Variants in ALMS1 observed in about 807,000 individuals in gnomAD.
ALMS1 encodes ALMS1 centrosome and basal body associated protein, also known as centrosome-associated protein ALMS1.
A neutral mutation model predicts 352.2 loss-of-function variants in ALMS1; 271 were observed. That is an observed-to-expected ratio of 0.77 (90% confidence interval 0.70 to 0.85). The LOEUF is 0.85. Ranked by LOEUF, ALMS1 falls within the 40% of genes least tolerant of loss-of-function variation. The pLI, the probability that ALMS1 is intolerant of heterozygous loss-of-function variation, is 0.00. For synonymous variants in ALMS1, 1,865 were observed against 1,761.2 expected, an observed-to-expected ratio of 1.06 and a Z score of -1.48; for missense variants, 5,445 against 4,870.7, an observed-to-expected ratio of 1.12 and a Z score of -3.51.
rs1250344753 is a variant in ALMS1, at chr2:73,408,712, G to A, written c.415G>A (p.Glu139Lys). ...TTCTGATACTAATGTGGTCTGTTTG[G>A]AAACAACAGCTCAGCGGGGTTCTGG... is the stretch of plus-strand genomic sequence containing the variant. ...QISDTNVVCLETTAQRGSGDD... is the reference protein window; with the variant it reads ...QISDTNVVCLKTTAQRGSGDD... Residue 139 changes from glutamate (E) to lysine (K), a missense_variant, in exon 2 of 23, where the codon GAA becomes AAA. Transcript: ENST00000613296. 1 of 1,612,874 alleles carries A rather than the reference G, an allele frequency of 6.2e-7. No homozygotes were observed. The highest frequency in any genetic ancestry group is 8.5e-7 in the Non-Finnish European group (1 of 1,179,718).
rs778870059 is a variant in ALMS1 at position 73,608,575 on chromosome 2, G to T, written c.12462+1G>T. 21 of 1,610,108 alleles carry T rather than the reference G, an allele frequency of 1.3e-5. No homozygotes were observed. The highest frequency in any genetic ancestry group is 1.7e-5 in the Non-Finnish European group (20 of 1,176,324). On this transcript the variant is annotated splice_donor_variant, in intron 22 of 22. Coordinates refer to ENST00000613296, the MANE Select transcript of ALMS1 (RefSeq NM_001378454.1). LOFTEE classifies it high-confidence loss of function. Reference sequence around the variant, plus strand: ...GCTGCGAGCCCAGCTATATAAAAAGGTCAGTGGGTCCTCTGTCTAGAGTGG... The same window carrying T: ...GCTGCGAGCCCAGCTATATAAAAAGTTCAGTGGGTCCTCTGTCTAGAGTGG...
chr2:73,415,822 G>A (rs920358104), intron 2 of ALMS1, among the ~76,000 whole-genome samples: 11 of 152,172 alleles, frequency 7.2e-5, no homozygotes, highest in South Asian at 2.1e-4. Flanking sequence ...GGAGAAAAAC[G>A]CAAGAAAGTT....
At chr2:73,491,541 A>G in intron 10 of ALMS1, 43 bp downstream of exon 10, 1 of 1,599,350 alleles carries the variant, frequency 6.3e-7, no homozygotes, top group Non-Finnish European at 8.6e-7. Context: ...TGGACTTTGT[A>G]ATAAAGGGTT....
chr2:73,406,155 A>C (rs895395457), intron 1 of ALMS1, among the ~76,000 whole-genome samples: 1 of 152,108 alleles, frequency 6.6e-6, no homozygotes, highest in African/African-American at 2.4e-5. Flanking sequence ...CAATTTTATC[A>C]ATGTTTGCTT....
intron 12 of ALMS1, among the ~76,000 whole-genome samples, chr2:73,549,643 A>T (rs1674388503): frequency 6.6e-6 from 1 of 152,226 alleles, no homozygotes; most frequent in South Asian, 2.1e-4. Context: ...TTTTTCCAAG[A>T]TACAATCCAT....
At chr2:73,532,352 G>C (rs1248823073) in intron 11 of ALMS1, among the ~76,000 whole-genome samples, 1 of 152,216 alleles carries the variant, frequency 6.6e-6, no homozygotes, top group African/African-American at 2.4e-5. Flanking sequence ...CCTGGCCCTA[G>C]GCAGGTCCAG....
intron 16 of ALMS1, among the ~76,000 whole-genome samples, chr2:73,593,777 A>C (rs1234622745): frequency 6.6e-6 from 1 of 152,204 alleles, no homozygotes; most frequent in Non-Finnish European, 1.5e-5. Context: ...GCCTGCAGGC[A>C]ACCACTAATG....
At chr2:73,609,471 C>G (rs1675893111) in intron 22 of ALMS1, 97 bp from the exon 23 acceptor site, 1 of 1,146,440 alleles carries the variant, frequency 8.7e-7, no homozygotes, top group East Asian at 2.3e-5. Flanking sequence ...TAGGACCACA[C>G]TGATTCTCCT....
At chr2:73,499,783 C>CCTTTCTCCATTGCTTTTG (rs1673183664) in intron 10 of ALMS1, among the ~76,000 whole-genome samples, 1 of 152,106 alleles carries the variant, frequency 6.6e-6, no homozygotes, top group Non-Finnish European at 1.5e-5. Flanking sequence ...TCATGAATGG[C>CCTTTCTCCATTGCTTTTG]TCAGTGACCT....
At chr2:73,503,723 A>G (rs910897760) in intron 10 of ALMS1, among the ~76,000 whole-genome samples, 1 of 152,150 alleles carries the variant, frequency 6.6e-6, no homozygotes, top group African/African-American at 2.4e-5. Flanking sequence ...CAACAGTGTA[A>G]AAGTGTTCCT....
intron 10 of ALMS1, 52 bp from the exon 11 acceptor site, chr2:73,519,723 T>C (rs1673631972): frequency 1.2e-6 from 2 of 1,610,866 alleles, no homozygotes; most frequent in East Asian, 2.2e-5. Context: ...GAGATTTCAG[T>C]CTCTAATGGC....
Position 73,489,812 on chromosome 2 carries a change from A to T in ALMS1, c.7853A>T (p.Asn2618Ile). ...GPSEMTRGRQ[N>I]PSSCRAKHVN... ...TCAGAAATGACCAGAGGACGGCAGA[A>T]CCCATCATCATGCAGAGCCAAGCAT... Residue 2618 changes from asparagine to isoleucine, a missense_variant, in exon 10 of 23, where the codon AAC becomes ATC. By Grantham distance (149) the Asn-to-Ile change is moderately radical. Coordinates refer to ENST00000613296, the MANE Select transcript of ALMS1 (RefSeq NM_001378454.1). 1 of 1,614,142 alleles carries T rather than the reference A, an allele frequency of 6.2e-7. No individual in the cohort carries two copies. The highest frequency in any genetic ancestry group is 8.5e-7 in the Non-Finnish European group (1 of 1,180,022).
intron 1 of ALMS1, among the ~76,000 whole-genome samples, chr2:73,403,244 C>T (rs1028903430): frequency 2.6e-5 from 4 of 152,128 alleles, no homozygotes; most frequent in African/African-American, 9.7e-5. Context: ...CATTCTTTTG[C>T]ATGAGGAAAT....
chr2:73,484,180 A>T (rs1672775850), intron 9 of ALMS1, among the ~76,000 whole-genome samples: 1 of 151,628 alleles, frequency 6.6e-6, no homozygotes, highest in Non-Finnish European at 1.5e-5. Flanking sequence ...GATGGTCTTT[A>T]CATTTTGGCA....
At chr2:73,406,750 C>T (rs1262621628) in intron 1 of ALMS1, among the ~76,000 whole-genome samples, 1 of 152,138 alleles carries the variant, frequency 6.6e-6, no homozygotes, top group African/African-American at 2.4e-5. Flanking sequence ...CTTAGTCTCC[C>T]AAGTAGCTGG....
chr2:73,514,335 G>A (rs1359433246), intron 10 of ALMS1, among the ~76,000 whole-genome samples: 2 of 150,896 alleles, frequency 1.3e-5, no homozygotes, highest in East Asian at 3.9e-4. Flanking sequence ...TTCTTTTAGT[G>A]GTTATTCTAG....
chr2:73,488,059 C>T (rs781124786), intron 9 of ALMS1, among the ~76,000 whole-genome samples: 51 of 152,280 alleles, frequency 3.3e-4, no homozygotes, highest in Admixed American at 1.6e-3. Flanking sequence ...CTCCTTTCTG[C>T]GAAACTGGCA....
intron 9 of ALMS1, among the ~76,000 whole-genome samples, chr2:73,474,251 AT>A (rs540896324): frequency 6.6e-6 from 1 of 152,052 alleles, no homozygotes; most frequent in Non-Finnish European, 1.5e-5. Flanking sequence ...AAAATTGAGA[AT>A]TTTTTTAAAA....
At chr2:73,395,131 G>C in intron 1 of ALMS1, among the ~76,000 whole-genome samples, 1 of 139,434 alleles carries the variant, frequency 7.2e-6, no homozygotes, top group Non-Finnish European at 1.5e-5. Context: ...ACCGAGGCTG[G>C]AGTGCAGTGA....
Sources: allele counts gnomAD v4.1 joint callset (sites outside exome capture counted in the v4.1 genomes callset), GRCh38; gene constraint gnomAD v4.1.1; transcripts MANE v1.5; gene names NCBI Gene and HGNC (gene_info 2026-07-23, HGNC 2026-07-21).